FARP1: variants seen among roughly 807,000 people sequenced by gnomAD.
The protein encoded by FARP1 is FERM, ARHGEF and pleckstrin domain-containing protein 1.
In FARP1, 52 loss-of-function variants were observed where a neutral mutation model predicts 128.8. The observed-to-expected ratio is 0.40, with a 90% confidence interval of 0.32 to 0.51. The LOEUF is 0.51. Ranked by LOEUF, FARP1 falls within the 20% of genes least tolerant of loss-of-function variation. The pLI is 0.45. For missense variants in FARP1, 1,333 were observed against 1,367.9 expected, an observed-to-expected ratio of 0.97 and a Z score of 0.40; for synonymous variants, 580 against 551.8, an observed-to-expected ratio of 1.05 and a Z score of -0.72.
At chr13:98,436,425 C>G (rs1350997608) in intron 19 of FARP1, among the ~76,000 whole-genome samples, 2 of 152,246 alleles carry the variant, frequency 1.3e-5, no homozygotes, top group Admixed American at 6.5e-5. Flanking sequence ...CATCAAATCT[C>G]TCTCTGGGAT....
intron 2 of FARP1, among the ~76,000 whole-genome samples, chr13:98,321,779 T>G (rs1256970143): frequency 6.6e-6 from 1 of 152,220 alleles, no homozygotes; most frequent in African/African-American, 2.4e-5. Context: ...ATTTGGAAAT[T>G]TTATGGAATA....
intron 2 of FARP1, among the ~76,000 whole-genome samples, chr13:98,273,980 A>G (rs541797434): frequency 7.2e-4 from 110 of 152,272 alleles, no homozygotes; most frequent in African/African-American, 2.5e-3. Flanking sequence ...TGACAACACC[A>G]TGGTTTGACC....
intron 2 of FARP1, among the ~76,000 whole-genome samples, chr13:98,342,812 G>T (rs944857493): frequency 6.6e-6 from 1 of 152,006 alleles, no homozygotes; most frequent in East Asian, 1.9e-4. Flanking sequence ...ATCACCTGAG[G>T]TGGGGAGTTT....
At position 98,393,706 on chromosome 13, in the gene FARP1, A is replaced by G; in HGVS notation, c.1152A>G (p.Glu384=). The G allele has an allele frequency of 4.3e-6, 7 of 1,613,742 alleles. No individual in the cohort carries two copies. Among genetic ancestry groups the G allele is most frequent in the Non-Finnish European group, 5.9e-6 (7 of 1,179,650 alleles). Residue 384 remains glutamate, a synonymous_variant, in exon 12 of 27, where the codon GAA becomes GAG. Coordinates refer to ENST00000319562, the MANE Select transcript of FARP1 (RefSeq NM_005766.4). ...LASQPTELNS[E]VLEQSQQSTS... is the part of the protein sequence containing the mutation. ...CACAGCCTACAGAACTGAATTCGGAAGTGCTGGAGCAGGTCAGTGATGGCG... is the reference window on the plus strand; with the variant it reads ...CACAGCCTACAGAACTGAATTCGGAGGTGCTGGAGCAGGTCAGTGATGGCG...
At chr13:98,428,224 C>T (rs953130647) in intron 17 of FARP1, among the ~76,000 whole-genome samples, 8 of 152,180 alleles carry the variant, frequency 5.3e-5, no homozygotes, top group African/African-American at 1.7e-4. Context: ...CTCCAGCCCA[C>T]GCTGTGAATG....
intron 4 of FARP1, among the ~76,000 whole-genome samples, chr13:98,365,894 G>GGTGTGTGT (rs55871546): frequency 0.29 from 42,644 of 148,224 alleles, 6,736 homozygotes; most frequent in Non-Finnish European, 0.36. Context: ...GTGTGTATGT[G>GGTGTGTGT]GTGTGTGTGT....
At chr13:98,336,828 T>C (rs1475348638) in intron 2 of FARP1, among the ~76,000 whole-genome samples, 1 of 152,196 alleles carries the variant, frequency 6.6e-6, no homozygotes, top group African/African-American at 2.4e-5. Flanking sequence ...TTCAACTGCC[T>C]TTTAGAGCAT....
intron 3 of FARP1, among the ~76,000 whole-genome samples, chr13:98,346,951 C>T (rs1206534722): frequency 1.3e-5 from 2 of 152,172 alleles, no homozygotes; most frequent in Non-Finnish European, 2.9e-5. Flanking sequence ...ATAATAGTTA[C>T]AGATGCAAAT....
At chr13:98,156,571 C>T (rs1786557923) in intron 1 of FARP1, among the ~76,000 whole-genome samples, 1 of 152,074 alleles carries the variant, frequency 6.6e-6, no homozygotes, top group African/African-American at 2.4e-5. Context: ...GTGTGCTTGG[C>T]TGATTTTTAA....
chr13:98,348,011 T>C lies in FARP1; in HGVS notation c.276+4145T>C, dbSNP rs143809900. 3.5e-3 allele frequency among the ~76,000 whole-genome samples: 538 copies of C among 152,338 alleles called. 2 individuals are homozygous for C. The highest frequency in any genetic ancestry group is 0.012 in the African/African-American group (500 of 41,576). ...CTTTCTTCTCATCATTTCTGTCTTATAAATACCCAAGTCAGAGCCTTATTC... is the reference window on the plus strand; with the variant it reads ...CTTTCTTCTCATCATTTCTGTCTTACAAATACCCAAGTCAGAGCCTTATTC... On this transcript the variant is annotated intron_variant, in intron 3 of 26. Coordinates refer to ENST00000319562, the MANE Select transcript of FARP1 (RefSeq NM_005766.4).
At chr13:98,191,547 A>G (rs1206112881) in intron 1 of FARP1, among the ~76,000 whole-genome samples, 2 of 152,206 alleles carry the variant, frequency 1.3e-5, no homozygotes, top group Non-Finnish European at 2.9e-5. Flanking sequence ...CGTGAATTTC[A>G]TCTCAATTAT....
intron 5 of FARP1, 128 bp downstream of exon 5, chr13:98,368,323 C>G: frequency 1.5e-6 from 1 of 664,226 alleles, no homozygotes. Flanking sequence ...CTGTACTGAA[C>G]AGTTTAACCT....
intron 15 of FARP1, 44 bp downstream of exon 15, chr13:98,410,867 TCTCAGCTAATA>T (rs1346244651): frequency 1.0e-6 from 1 of 985,572 alleles, no homozygotes; most frequent in South Asian, 1.4e-5. Context: ...ACATGATTTA[TCTCAGCTAATA>T]CTCAGCTATA....
chr13:98,298,807 C>A (rs1885806315), intron 2 of FARP1, among the ~76,000 whole-genome samples: 1 of 152,096 alleles, frequency 6.6e-6, no homozygotes, highest in Non-Finnish European at 1.5e-5. Context: ...GTGAGTTACA[C>A]CCGCTGATGG....
chr13:98,236,128 C>T (rs1369732660), intron 2 of FARP1, among the ~76,000 whole-genome samples: 1 of 152,234 alleles, frequency 6.6e-6, no homozygotes, highest in Non-Finnish European at 1.5e-5. Flanking sequence ...CCTTTTGTGA[C>T]TGGCTTCTTT....
At chr13:98,424,424 A>G in intron 16 of FARP1, 148 bp from the exon 17 acceptor site, 1 of 634,616 alleles carries the variant, frequency 1.6e-6, no homozygotes, top group East Asian at 2.8e-5. Flanking sequence ...TCTCCTTCCA[A>G]CGATAACATT....
At chr13:98,275,142 G>A (rs1213005445) in intron 2 of FARP1, among the ~76,000 whole-genome samples, 1 of 152,064 alleles carries the variant, frequency 6.6e-6, no homozygotes, top group South Asian at 2.1e-4. Context: ...TTTCACTTTG[G>A]TTTTCTGTAT....
chr13:98,171,963 G>T (rs967826580), intron 1 of FARP1, among the ~76,000 whole-genome samples: 1 of 152,180 alleles, frequency 6.6e-6, no homozygotes, highest in African/African-American at 2.4e-5. Context: ...GTTTGGTTTT[G>T]TTTTGCATTA....
chr13:98,285,908 C>G (rs1487555848), intron 2 of FARP1, among the ~76,000 whole-genome samples: 1 of 152,130 alleles, frequency 6.6e-6, no homozygotes, highest in Admixed American at 6.5e-5. Context: ...CCCACTGTTC[C>G]ACGGCCCCTT....
Sources: allele counts gnomAD v4.1 joint callset (sites outside exome capture counted in the v4.1 genomes callset), GRCh38; gene constraint gnomAD v4.1.1; transcripts MANE v1.5; gene names NCBI Gene and HGNC (gene_info 2026-07-23, HGNC 2026-07-21).